Variants in GPRC6A observed in about 807,000 individuals in gnomAD.
The protein encoded by GPRC6A is G protein-coupled receptor family C group 6 member A.
A neutral mutation model predicts 47.0 loss-of-function variants in GPRC6A; 54 were observed. That is an observed-to-expected ratio of 1.15 (90% CI 0.92 to 1.44). The LOEUF (loss-of-function observed/expected upper bound fraction) is 1.44, where lower values mean the gene tolerates loss of function less well. Among genes scored for constraint, GPRC6A ranks in the 40% most tolerant of loss-of-function variants. The probability of loss-of-function intolerance (pLI) is 0.00; values close to 1 mark genes in which losing one functional copy is unlikely to be tolerated. For missense variants in GPRC6A, 1,112 were observed against 1,105.5 expected, an observed-to-expected ratio of 1.01 and a Z score of -0.08; for synonymous variants, 347 against 377.1, an observed-to-expected ratio of 0.92 and a Z score of 0.93.
chr6:116,796,025 A>G (rs1186917651), intron 4 of GPRC6A, among the ~76,000 whole-genome samples, 190 bp from the exon 5 acceptor site: 1 of 152,170 alleles, frequency 6.6e-6, no homozygotes, highest in Non-Finnish European at 1.5e-5. Context: ...CTGCTTTACG[A>G]AGAACACAGT....
rs772965129 is a variant in GPRC6A at position 116,807,078 on chromosome 6, G to C, written c.627C>G (p.Asn209Lys). The change falls in exon 3 of 6, where the codon AAC becomes AAG. Residue 209 changes from asparagine (N) to lysine (K), a missense_variant. Coordinates refer to ENST00000310357, the MANE Select transcript of GPRC6A (RefSeq NM_148963.4). Reference sequence around the variant, plus strand: ...CATCTGTGGTTATGATGCCAATCCAGTTCCAACCAGATTTCTGAATCAGGT... The same window carrying C: ...CATCTGTGGTTATGATGCCAATCCACTTCCAACCAGATTTCTGAATCAGGT... Reference protein sequence around the residue: ...MAHLIQKSGWNWIGIITTDDD... With the variant: ...MAHLIQKSGWKWIGIITTDDD... 4 of 1,613,526 alleles carry C rather than the reference G, an allele frequency of 2.5e-6. No homozygotes were observed. The East Asian group carries it at 8.9e-5, about 36-fold the overall frequency.
intron 3 of GPRC6A, among the ~76,000 whole-genome samples, chr6:116,804,487 A>G (rs957683555): frequency 6.6e-6 from 1 of 152,092 alleles, no homozygotes; most frequent in African/African-American, 2.4e-5. Flanking sequence ...AGATTTCTTT[A>G]TAAAAGGATA....
rs542223163 is a variant in GPRC6A at position 116,803,709 on chromosome 6, G to C, written c.1335+2661C>G. ...TGATTTCCTGCTTCCTAAAGATGCT[G>C]TGCTTTCTTTTCTCCCTTTTCTGGG... is the stretch of plus-strand genomic sequence containing the variant. On this transcript the variant is annotated intron_variant, in intron 3 of 5. Coordinates refer to ENST00000310357, the MANE Select transcript of GPRC6A (RefSeq NM_148963.4). Among the ~76,000 whole-genome samples the C allele has an allele frequency of 2.0e-5, 3 of 152,222 alleles. No individual in the cohort carries two copies. In the South Asian group the frequency reaches 6.2e-4, roughly 32 times the overall value.
At chr6:116,793,328 G>A (rs762711485) in intron 5 of GPRC6A, 78 bp from the exon 6 acceptor site, 17 of 1,006,598 alleles carry the variant, frequency 1.7e-5, no homozygotes, top group Admixed American at 5.9e-5. Context: ...AATGAGATTC[G>A]TCTTCTTTAA....
intron 1 of GPRC6A, among the ~76,000 whole-genome samples, chr6:116,818,585 G>GAATTTCAT (rs1773332226): frequency 1.3e-5 from 1 of 78,156 alleles, no homozygotes; most frequent in African/African-American, 4.4e-5. Flanking sequence ...TTTCAACCCA[G>GAATTTCAT]AATTTCATAT....
chr6:116,827,334 C>T (rs370571153), intron 1 of GPRC6A, among the ~76,000 whole-genome samples: 94 of 151,792 alleles, frequency 6.2e-4, no homozygotes, highest in Non-Finnish European at 1.0e-3. Context: ...TAAACTAATA[C>T]GTATCAATTA....
chr6:116,814,876 G>C (rs550976841), intron 1 of GPRC6A, among the ~76,000 whole-genome samples: 19 of 152,198 alleles, frequency 1.2e-4, no homozygotes, highest in African/African-American at 4.6e-4. Context: ...AAAGTAAAGG[G>C]ATAGAAAAAG....
At chr6:116,795,673 G>A (rs1283072964) in intron 5 of GPRC6A, 39 bp downstream of exon 5, 1 of 1,466,698 alleles carries the variant, frequency 6.8e-7, no homozygotes, top group Non-Finnish European at 9.1e-7. Context: ...AAAAGCCTAA[G>A]AGGAATGATT....
At chr6:116,823,530 C>T (rs60350868) in intron 1 of GPRC6A, among the ~76,000 whole-genome samples, 20,570 of 152,034 alleles carry the variant, frequency 0.14, 2,056 homozygotes, top group African/African-American at 0.28. Flanking sequence ...CCTTCATCTT[C>T]CTGTCTTCTT....
intron 3 of GPRC6A, among the ~76,000 whole-genome samples, chr6:116,803,232 A>G (rs1194918429): frequency 6.6e-6 from 1 of 152,086 alleles, no homozygotes; most frequent in Non-Finnish European, 1.5e-5. Flanking sequence ...ATCCATATAT[A>G]CATCTTTTCA....
intron 3 of GPRC6A, among the ~76,000 whole-genome samples, chr6:116,801,719 G>A (rs1181306435): frequency 6.6e-6 from 1 of 152,110 alleles, no homozygotes; most frequent in Non-Finnish European, 1.5e-5. Context: ...AGCTATGATG[G>A]TAACATCAAT....
chr6:116,796,408 A>G (rs1040334008), intron 4 of GPRC6A, among the ~76,000 whole-genome samples: 8 of 152,198 alleles, frequency 5.3e-5, no homozygotes, highest in African/African-American at 1.7e-4. Flanking sequence ...TGAGAATTCA[A>G]GTTATAATTT....
chr6:116,822,148 AAACCACAATGAGATACC>A (rs2114621698), intron 1 of GPRC6A, among the ~76,000 whole-genome samples: 1 of 141,750 alleles, frequency 7.1e-6, no homozygotes, highest in South Asian at 2.3e-4. Flanking sequence ...ATGCAAATCA[AAACCACAATGAGATACC>A]ATCTCACACC....
chr6:116,797,558 A>G (rs542660031), intron 4 of GPRC6A, among the ~76,000 whole-genome samples: 5 of 152,204 alleles, frequency 3.3e-5, no homozygotes, highest in Non-Finnish European at 7.4e-5. Context: ...TGTCTCCATC[A>G]GAAAGGAAGA....
chr6:116,824,081 C>T (rs1193096620), intron 1 of GPRC6A, among the ~76,000 whole-genome samples: 1 of 151,792 alleles, frequency 6.6e-6, no homozygotes, highest in East Asian at 1.9e-4. Flanking sequence ...CATACCAAAG[C>T]CAGTGGGATA....
chr6:116,818,450 C>T (rs1240607159), intron 1 of GPRC6A, among the ~76,000 whole-genome samples: 155 of 127,776 alleles, frequency 1.2e-3, no homozygotes, highest in African/African-American at 3.7e-3. Context: ...AGGAGAATGG[C>T]GTGAACCCGG....
At chr6:116,808,355 TA>T (rs1246164421) in intron 2 of GPRC6A, among the ~76,000 whole-genome samples, 1 of 152,136 alleles carries the variant, frequency 6.6e-6, no homozygotes, top group Non-Finnish European at 1.5e-5. Context: ...CAGTTGTTGT[TA>T]AAAAAGTCTG....
chr6:116,807,123 A>C lies in GPRC6A; in HGVS notation c.582T>G (p.His194Gln). ...TCAGGTGAGCCATTGCTTTAATTTG[A>C]TGGAAGTCACTGGGCACAGTCCGTA... ...SFLRTVPSDF[H>Q]QIKAMAHLIQ... Residue 194 changes from histidine to glutamine, a missense_variant, in exon 3 of 6, where the codon CAT becomes CAG. Coordinates refer to ENST00000310357, the MANE Select transcript of GPRC6A (RefSeq NM_148963.4). The C allele has an allele frequency of 1.2e-6, 2 of 1,613,760 alleles. No individual in the cohort carries two copies. Among genetic ancestry groups the C allele is most frequent in the Non-Finnish European group, 1.7e-6 (2 of 1,179,752 alleles).
rs778259180 is a variant in GPRC6A at position 116,792,124 on chromosome 6, G to T, written c.*18C>A. 1.9e-6 allele frequency: 3 copies of T among 1,574,502 alleles called. No homozygotes were observed. Among genetic ancestry groups the T allele is most frequent in the Non-Finnish European group, 2.6e-6 (3 of 1,157,334 alleles). ...TGGAAACATTTTATTCTGGAATGTGGCATCTCCTAAGGCTTATTCATATAC... is the reference window on the plus strand; with the variant it reads ...TGGAAACATTTTATTCTGGAATGTGTCATCTCCTAAGGCTTATTCATATAC... On this transcript the variant is annotated 3_prime_UTR_variant, in exon 6 of 6. Transcript: ENST00000310357.
Sources: gnomAD v4.1 joint callset for allele counts (sites outside exome capture counted in the v4.1 genomes callset) on GRCh38, gnomAD v4.1.1 for gene constraint, MANE v1.5 for transcripts, NCBI Gene and HGNC (gene_info 2026-07-23, HGNC 2026-07-21) for gene names.